Variants in CACUL1 observed in about 807,000 individuals in gnomAD.
The protein encoded by CACUL1 is CDK2 associated cullin domain 1, also known as CDK2-associated and cullin domain-containing protein 1.
CACUL1 carries 13 observed loss-of-function variants against 45.2 expected under a neutral mutation model. The ratio of observed to expected loss-of-function variants is 0.29; its 90% CI spans 0.19 to 0.46. The LOEUF (loss-of-function observed/expected upper bound fraction) is 0.46, where lower values mean the gene tolerates loss of function less well. Ranked by LOEUF, CACUL1 falls within the 20% of genes least tolerant of loss-of-function variation. CACUL1 has a pLI of 1.00. For missense variants in CACUL1, 421 were observed against 471.4 expected, an observed-to-expected ratio of 0.89 and a Z score of 0.99; for synonymous variants, 197 against 174.2, an observed-to-expected ratio of 1.13 and a Z score of -1.03.
chr10:118,750,248 T>C (rs916964537), intron 1 of CACUL1, among the ~76,000 whole-genome samples: 7 of 151,492 alleles, frequency 4.6e-5, no homozygotes, highest in Non-Finnish European at 7.4e-5. Flanking sequence ...ATTGCTTGAA[T>C]CCGGGAGGCG....
At chr10:118,743,487 A>C (rs1321989534) in intron 1 of CACUL1, among the ~76,000 whole-genome samples, 1 of 152,136 alleles carries the variant, frequency 6.6e-6, no homozygotes, top group East Asian at 1.9e-4. Flanking sequence ...TAAAGAAACA[A>C]TAAGGCCGGG....
At chr10:118,720,986 T>C (rs1845594530) in intron 3 of CACUL1, among the ~76,000 whole-genome samples, 1 of 152,198 alleles carries the variant, frequency 6.6e-6, no homozygotes, top group Non-Finnish European at 1.5e-5. Context: ...TATTTACCAG[T>C]TGCAATATTT....
intron 4 of CACUL1, among the ~76,000 whole-genome samples, chr10:118,707,269 C>T (rs879636378): frequency 3.9e-5 from 6 of 152,192 alleles, no homozygotes; most frequent in Non-Finnish European, 8.8e-5. Flanking sequence ...TTAATGCCTA[C>T]TTGTCTATTC....
intron 1 of CACUL1, among the ~76,000 whole-genome samples, chr10:118,753,713 G>A (rs1845921541): frequency 6.6e-6 from 1 of 152,176 alleles, no homozygotes; most frequent in African/African-American, 2.4e-5. Flanking sequence ...TCTTGGGTTT[G>A]GACACAAGAC....
rs750349565 is a variant in CACUL1, at chr10:118,695,229, A to G, written c.798T>C (p.Pro266=). The G allele has an allele frequency of 1.9e-6, 3 of 1,560,328 alleles. No homozygotes were observed. Among genetic ancestry groups the G allele is most frequent in the South Asian group, 2.2e-5 (2 of 89,948 alleles). ...VAEKHIYSLM[P]LLLEAQSTPF... is the part of the protein sequence containing the mutation. ...GTGTTGACTGGGCTTCTAAAAGTAA[A>G]GCTGAAATAAGAAAACAGGTTAAAA... Residue 266 remains proline, a splice_region_variant and synonymous_variant, in exon 6 of 9, where the codon CCT becomes CCC. Coordinates refer to ENST00000369151, the MANE Select transcript of CACUL1 (RefSeq NM_153810.5).
At chr10:118,745,817 T>TGTATGCA (rs1845838027) in intron 1 of CACUL1, among the ~76,000 whole-genome samples, 1 of 150,116 alleles carries the variant, frequency 6.7e-6, no homozygotes, top group Non-Finnish European at 1.5e-5. Flanking sequence ...CAATAACCCT[T>TGTATGCA]AAAAAAAAAC....
At chr10:118,731,760 A>G (rs1375414204) in intron 1 of CACUL1, among the ~76,000 whole-genome samples, 1 of 152,228 alleles carries the variant, frequency 6.6e-6, no homozygotes, top group African/African-American at 2.4e-5. Flanking sequence ...GTTTTGCATG[A>G]AACTATGGTG....
chr10:118,746,151 C>CAAAAAAAAAAAAAAA (rs376453440), intron 1 of CACUL1, among the ~76,000 whole-genome samples: 30 of 91,218 alleles, frequency 3.3e-4, no homozygotes, highest in Non-Finnish European at 5.4e-4. Flanking sequence ...GACACTGTCT[C>CAAAAAAAAAAAAAAA]AAAAAAAAAA....
chr10:118,744,310 C>T (rs896828932), intron 1 of CACUL1, among the ~76,000 whole-genome samples: 14 of 151,954 alleles, frequency 9.2e-5, no homozygotes, highest in African/African-American at 3.4e-4. Flanking sequence ...CGCTTGAGCC[C>T]GGGAGGTGGA....
rs886488027 is a variant in CACUL1 at position 118,678,697 on chromosome 10, A to G, written c.*7431T>C. On this transcript the variant is annotated 3_prime_UTR_variant, in exon 9 of 9. Coordinates refer to ENST00000369151, the MANE Select transcript of CACUL1 (RefSeq NM_153810.5). ...TGTCCTATTATAAACAGCATTTCTT[A>G]ATTACATTAAAAAGCCAATCTTGTA... 1.3e-5 allele frequency: 2 copies of G among 152,076 alleles called. No homozygotes were observed. The highest frequency in any genetic ancestry group is 4.8e-5 in the African/African-American group (2 of 41,396). 9.4% of individuals were successfully genotyped at this position (152,076 alleles called of 1,614,324 possible).
intron 2 of CACUL1, among the ~76,000 whole-genome samples, chr10:118,729,708 C>T (rs1009679445): frequency 6.6e-6 from 1 of 152,164 alleles, no homozygotes; most frequent in Non-Finnish European, 1.5e-5. Context: ...CAGGTTCTCT[C>T]TCTCTTTTTA....
Position 118,682,076 on chromosome 10 carries a change from T to C in CACUL1, c.*4052A>G, listed in dbSNP as rs1255860971. The stretch of plus-strand genomic sequence containing the variant: ...CCAAAAAGGTCCTATAAACCTGTAA[T>C]AGATGTCAAAGGGATTCACATTCTG... On this transcript the variant is annotated 3_prime_UTR_variant, in exon 9 of 9. Coordinates refer to ENST00000369151, the MANE Select transcript of CACUL1 (RefSeq NM_153810.5). The C allele has an allele frequency of 6.6e-6, 1 of 152,222 alleles. No homozygotes were observed. The highest frequency in any genetic ancestry group is 1.5e-5 in the Non-Finnish European group (1 of 68,040). The allele number at this position is 152,222 out of a possible 1,614,324, so 9.4% of individuals were successfully genotyped here. A position where few individuals can be genotyped will look rare whatever the true frequency, so the allele number is the denominator to read the frequency against.
chr10:118,684,537 T>G lies in CACUL1; in HGVS notation c.*1591A>C, dbSNP rs1190178259. 6.6e-6 allele frequency: 1 copy of G among 152,164 alleles called. No individual in the cohort carries two copies. The highest frequency in any genetic ancestry group is 1.5e-5 in the Non-Finnish European group (1 of 68,034). 9.4% of individuals were successfully genotyped at this position (152,164 alleles called of 1,614,324 possible). ...TTGAGTCCAATTAAAGTCCACAAAA[T>G]CCACGAACTCTGGTTAAGTACTTTA... On this transcript the variant is annotated 3_prime_UTR_variant, in exon 9 of 9. Transcript: ENST00000369151.
chr10:118,685,838 ACTTAGAAATGGTCACTTT>A lies in CACUL1; in HGVS notation c.*272_*289del, dbSNP rs1406123538. 30 of 258,616 alleles carry A rather than the reference ACTTAGAAATGGTCACTTT, an allele frequency of 1.2e-4. No individual in the cohort carries two copies. The Admixed American group carries it at 1.3e-3, about 11-fold the overall frequency. 16.0% of individuals were successfully genotyped at this position (258,616 alleles called of 1,614,324 possible). On this transcript the variant is annotated 3_prime_UTR_variant, in exon 9 of 9. Transcript: ENST00000369151. ...CTGCTGATTTTGGCTGTCAGATTTC[ACTTAGAAATGGTCACTTT>A]CTGAGATGCTTTTTCCTCACAGAAT...
intron 1 of CACUL1, among the ~76,000 whole-genome samples, chr10:118,747,078 G>A (rs921921186): frequency 1.3e-5 from 2 of 152,138 alleles, no homozygotes; most frequent in South Asian, 2.1e-4. Context: ...TCTAGGTTGC[G>A]CACTCCTTAC....
At chr10:118,731,077 T>A (rs1036851355) in intron 1 of CACUL1, among the ~76,000 whole-genome samples, 2 of 152,096 alleles carry the variant, frequency 1.3e-5, no homozygotes, top group African/African-American at 4.8e-5. Flanking sequence ...AGGCTCTTAC[T>A]CCCACACTAC....
At chr10:118,739,011 C>T (rs1455094902) in intron 1 of CACUL1, among the ~76,000 whole-genome samples, 5 of 149,710 alleles carry the variant, frequency 3.3e-5, no homozygotes, top group African/African-American at 1.2e-4. Flanking sequence ...CTGGCTAACA[C>T]GGTGAAACCT....
chr10:118,691,947 T>C (rs1361435939), intron 6 of CACUL1, among the ~76,000 whole-genome samples: 1 of 151,096 alleles, frequency 6.6e-6, no homozygotes, highest in African/African-American at 2.4e-5. Context: ...TTTAACAGAA[T>C]TTAGTGAAAA....
intron 1 of CACUL1, among the ~76,000 whole-genome samples, chr10:118,732,617 T>G (rs1340839391): frequency 6.6e-6 from 1 of 152,126 alleles, no homozygotes; most frequent in Admixed American, 6.6e-5. Context: ...CCTCTCCTTT[T>G]GGGTGAGGCG....
Sources: allele counts gnomAD v4.1 joint callset (sites outside exome capture counted in the v4.1 genomes callset), GRCh38; gene constraint gnomAD v4.1.1; transcripts MANE v1.5; gene names NCBI Gene and HGNC (gene_info 2026-07-23, HGNC 2026-07-21).